Variants in SCARA5 observed in about 807,000 individuals in gnomAD.
SCARA5 encodes the protein scavenger receptor class A, member 5 (putative).
A neutral mutation model predicts 46.3 loss-of-function variants in SCARA5; 45 were observed. The observed-to-expected ratio is 0.97, with a 90% CI of 0.76 to 1.24. The LOEUF (loss-of-function observed/expected upper bound fraction) is 1.24. Ranked by LOEUF, SCARA5 falls within the 50% of genes most tolerant of loss-of-function variation. The probability of loss-of-function intolerance (pLI) is 0.00; values close to 1 mark genes in which losing one functional copy is unlikely to be tolerated. For synonymous variants in SCARA5, 333 were observed against 306.5 expected (o/e 1.09, Z -0.90); for missense variants, 680 against 689.0 (o/e 0.99, Z 0.15).
At chr8:27,936,676 A>G (rs1585500538) in intron 3 of SCARA5, among the ~76,000 whole-genome samples, 1 of 151,204 alleles carries the variant, frequency 6.6e-6, no homozygotes, top group Non-Finnish European at 1.5e-5. Flanking sequence ...TCATCTGCAA[A>G]TAAACCCTGT....
Position 27,909,165 on chromosome 8 carries a change from G to A in SCARA5, c.997+498C>T, listed in dbSNP as rs1361742203. 2.6e-5 allele frequency: 4 copies of A among 152,472 alleles called. No homozygotes were observed. In the East Asian group the frequency reaches 7.7e-4, roughly 29 times the overall value. 9.4% of individuals were successfully genotyped at this position (152,472 alleles called of 1,614,324 possible). ...CTACCCACCAGCCACTGGCTCTTCA[G>A]GGCTGTCACTATGTGCAGCAGGATG... On this transcript the variant is annotated intron_variant, in intron 5 of 8. Coordinates refer to ENST00000354914, the MANE Select transcript of SCARA5 (RefSeq NM_173833.6).
chr8:27,888,970 C>A (rs1248192798), intron 7 of SCARA5, among the ~76,000 whole-genome samples: 1 of 152,166 alleles, frequency 6.6e-6, no homozygotes, highest in Non-Finnish European at 1.5e-5. Context: ...CAATTCCAGC[C>A]TCGGCTTGGA....
At chr8:27,981,982 C>T (rs760466140) in intron 2 of SCARA5, among the ~76,000 whole-genome samples, 5 of 152,096 alleles carry the variant, frequency 3.3e-5, no homozygotes, top group African/African-American at 4.8e-5. Context: ...CCAAGTGAAC[C>T]GGGGAGATCT....
intron 3 of SCARA5, among the ~76,000 whole-genome samples, chr8:27,955,296 G>A (rs764374408): frequency 3.7e-4 from 56 of 152,318 alleles, no homozygotes; most frequent in African/African-American, 1.2e-3. Context: ...CCAGCAGGGC[G>A]AGACGGGAGC....
At chr8:27,946,046 T>C (rs1319841104) in intron 3 of SCARA5, among the ~76,000 whole-genome samples, 1 of 152,228 alleles carries the variant, frequency 6.6e-6, no homozygotes, top group African/African-American at 2.4e-5. Context: ...GTCTCTCTCC[T>C]GGGAATTTAA....
At chr8:27,873,043 G>T (rs902848416) in intron 8 of SCARA5, among the ~76,000 whole-genome samples, 34 of 152,222 alleles carry the variant, frequency 2.2e-4, no homozygotes, top group Admixed American at 2.2e-3. Context: ...GCAGAGGCTA[G>T]AACCCTGTCA....
chr8:27,973,653 G>T lies in SCARA5; in HGVS notation c.113-7111C>A, dbSNP rs572641173. ...ACATGGAGCTTCTTAGTCATACCAA[G>T]GCCTGAGCCTGCCCCTGGATGCTCA... On this transcript the variant is annotated intron_variant, in intron 2 of 8. Coordinates refer to ENST00000354914, the MANE Select transcript of SCARA5 (RefSeq NM_173833.6). 2.6e-5 allele frequency among the ~76,000 whole-genome samples: 4 copies of T among 152,260 alleles called. No homozygotes were observed. In the East Asian group the frequency reaches 7.7e-4, roughly 29 times the overall value.
intron 3 of SCARA5, among the ~76,000 whole-genome samples, chr8:27,932,324 G>A (rs1050626145): frequency 6.6e-6 from 1 of 152,294 alleles, no homozygotes; most frequent in Non-Finnish European, 1.5e-5. Context: ...TGCAAATTAC[G>A]AAGCTGGTCC....
In SCARA5 at chr8:27,894,371, CAT is replaced by C. The variant is rs367655540; in HGVS notation, c.1153+10405_1153+10406del. On this transcript the variant is annotated intron_variant, in intron 7 of 8. Coordinates refer to ENST00000354914, the MANE Select transcript of SCARA5 (RefSeq NM_173833.6). ...ATATTTAATAACAGCCCTCTCCAAA[CAT>C]AAAGTGCTTTTCATCCATCTCACAA... 7.0e-3 allele frequency among the ~76,000 whole-genome samples: 1,063 copies of C among 152,310 alleles called. 5 individuals are homozygous for C. The highest frequency in any genetic ancestry group is 0.011 in the Non-Finnish European group (716 of 68,024).
At chr8:27,919,067 G>A (rs1807536540) in intron 4 of SCARA5, among the ~76,000 whole-genome samples, 2 of 148,368 alleles carry the variant, frequency 1.3e-5, no homozygotes, top group Non-Finnish European at 3.0e-5. Flanking sequence ...GGAGAGAAGG[G>A]AGGAGGAGGA....
At chr8:27,894,338 T>A (rs1166976100) in intron 7 of SCARA5, among the ~76,000 whole-genome samples, 1 of 152,172 alleles carries the variant, frequency 6.6e-6, no homozygotes, top group East Asian at 1.9e-4. Context: ...GCTGAATGCT[T>A]AAGACAAATA....
chr8:27,879,897 A>C (rs1353200392), intron 7 of SCARA5, 131 bp from the exon 8 acceptor site: 15 of 820,588 alleles, frequency 1.8e-5, no homozygotes, highest in Non-Finnish European at 2.7e-5. Flanking sequence ...TCAAGACTTC[A>C]GCCCCCAAAT....
At chr8:27,879,301 C>T (rs1184238760) in intron 8 of SCARA5, among the ~76,000 whole-genome samples, 3 of 152,030 alleles carry the variant, frequency 2.0e-5, no homozygotes, top group South Asian at 2.1e-4. Flanking sequence ...GTGCCTGGGA[C>T]ACAGGACTGG....
At chr8:27,905,539 A>AGGGGG (rs1563519497) in intron 6 of SCARA5, among the ~76,000 whole-genome samples, 1 of 41,610 alleles carries the variant, frequency 2.4e-5, no homozygotes, top group Non-Finnish European at 7.3e-5. Context: ...GGGGAAAAAA[A>AGGGGG]AAAGGCAGCC....
intron 3 of SCARA5, among the ~76,000 whole-genome samples, chr8:27,959,873 G>A (rs938736967): frequency 2.6e-5 from 4 of 152,162 alleles, no homozygotes; most frequent in African/African-American, 9.7e-5. Context: ...AGCCATTGCT[G>A]GCTCCATCGC....
intron 3 of SCARA5, among the ~76,000 whole-genome samples, chr8:27,954,075 G>A (rs556226514): frequency 1.1e-4 from 17 of 152,314 alleles, no homozygotes; most frequent in African/African-American, 2.9e-4. Context: ...AGAACTCATC[G>A]TTCCCAGCTC....
At chr8:27,974,452 TA>T (rs548041914) in intron 2 of SCARA5, among the ~76,000 whole-genome samples, 11 of 146,938 alleles carry the variant, frequency 7.5e-5, no homozygotes, top group African/African-American at 1.0e-4. Context: ...GCTCTGAACA[TA>T]AAAAAAAAAC....
At chr8:27,902,374 C>T (rs889865606) in intron 7 of SCARA5, among the ~76,000 whole-genome samples, 8 of 152,278 alleles carry the variant, frequency 5.3e-5, no homozygotes, top group African/African-American at 1.7e-4. Flanking sequence ...CTGGCTCTCA[C>T]CTCCCTGCAC....
chr8:27,955,383 C>G (rs988124677), intron 3 of SCARA5, among the ~76,000 whole-genome samples: 5 of 152,226 alleles, frequency 3.3e-5, no homozygotes, highest in African/African-American at 7.2e-5. Context: ...GAATATGAGG[C>G]CTCCAGAAGG....
Sources: allele counts gnomAD v4.1 joint callset (sites outside exome capture counted in the v4.1 genomes callset), GRCh38; gene constraint gnomAD v4.1.1; transcripts MANE v1.5; gene names NCBI Gene and HGNC (gene_info 2026-07-23, HGNC 2026-07-21).